DPP10: variants seen among roughly 807,000 people sequenced by gnomAD.
DPP10 encodes the protein dipeptidyl peptidase like 10.
In DPP10, 33 loss-of-function variants were observed where a neutral mutation model predicts 120.9. The observed-to-expected ratio is 0.27, with a 90% CI of 0.21 to 0.37. The LOEUF (loss-of-function observed/expected upper bound fraction) is 0.37, where lower values mean the gene tolerates loss of function less well. DPP10 is among the 10% of genes least tolerant of loss of function. The pLI is 1.00. For missense variants in DPP10, 816 were observed against 942.8 expected (o/e 0.87, Z 1.76); for synonymous variants, 337 against 326.1 (o/e 1.03, Z -0.36).
chr2:115,540,663 C>T (rs560463020), intron 5 of DPP10, among the ~76,000 whole-genome samples: 2 of 151,962 alleles, frequency 1.3e-5, no homozygotes, highest in Non-Finnish European at 1.5e-5. Flanking sequence ...TAATTTTGCA[C>T]TTAAACTTGT....
chr2:115,374,919 C>A (rs1170797474), intron 3 of DPP10, among the ~76,000 whole-genome samples: 1 of 152,222 alleles, frequency 6.6e-6, no homozygotes, highest in African/African-American at 2.4e-5. Flanking sequence ...ACCTGCTAGG[C>A]CTCTGGGCCT....
intron 1 of DPP10, among the ~76,000 whole-genome samples, chr2:114,548,204 A>G (rs1243376142): frequency 1.3e-5 from 2 of 152,226 alleles, no homozygotes; most frequent in Non-Finnish European, 2.9e-5. Context: ...AAGATGATTC[A>G]TCTCTATGGA....
rs564519488 is a variant in DPP10, at chr2:114,935,282, C to A, written c.61-373957C>A. Among the ~76,000 whole-genome samples, 74 of 4,178 alleles carry A rather than the reference C, an allele frequency of 0.018. No homozygotes were observed. In the Non-Finnish European group the frequency reaches 0.4, roughly 23 times the overall value. 2.7% of individuals were successfully genotyped at this position (4,178 alleles called of 152,430 possible). A position where few individuals can be genotyped will look rare whatever the true frequency, so the allele number is the denominator to read the frequency against. On this transcript the variant is annotated intron_variant, in intron 1 of 25. Transcript: ENST00000410059. ...CAAACCTCCTCTCAATGCCTGTAAG[C>A]CCCATTCACCTTATCCATTCTATAA...
intron 2 of DPP10, among the ~76,000 whole-genome samples, chr2:115,326,170 T>G (rs2062353770): frequency 6.6e-6 from 1 of 152,122 alleles, no homozygotes; most frequent in African/African-American, 2.4e-5. Flanking sequence ...CAGTGGAGTT[T>G]ATTATACAGC....
At chr2:115,010,098 T>G (rs1390423174) in intron 1 of DPP10, among the ~76,000 whole-genome samples, 3 of 152,226 alleles carry the variant, frequency 2.0e-5, no homozygotes, top group East Asian at 1.9e-4. Flanking sequence ...TTAATAAACC[T>G]TACTTAAATA....
chr2:115,677,026 A>G (rs902043663), intron 5 of DPP10, among the ~76,000 whole-genome samples: 2 of 152,202 alleles, frequency 1.3e-5, no homozygotes, highest in Non-Finnish European at 2.9e-5. Flanking sequence ...ATATGATAAT[A>G]TAGTCAAAAT....
rs543860004 is a variant in DPP10 at position 115,310,310 on chromosome 2, A to C, written c.175+957A>C. ...TGAGCCCCTTAAACACATTGAACTTATTTCCTGATGTACAAAATATGATTA... is the reference window on the plus strand; with the variant it reads ...TGAGCCCCTTAAACACATTGAACTTCTTTCCTGATGTACAAAATATGATTA... On this transcript the variant is annotated intron_variant, in intron 2 of 25. Transcript: ENST00000410059. Among the ~76,000 whole-genome samples, 15 of 152,264 alleles carry C rather than the reference A, an allele frequency of 9.9e-5. No homozygotes were observed. The South Asian group carries it at 3.1e-3, about 32-fold the overall frequency.
chr2:115,038,519 C>T (rs1199834377), intron 1 of DPP10, among the ~76,000 whole-genome samples: 2 of 152,038 alleles, frequency 1.3e-5, no homozygotes, highest in Non-Finnish European at 1.5e-5. Flanking sequence ...CCTCGTGATC[C>T]GCCCACCTCT....
chr2:114,715,403 T>C (rs1167554903), intron 1 of DPP10, among the ~76,000 whole-genome samples: 1 of 152,028 alleles, frequency 6.6e-6, no homozygotes, highest in Non-Finnish European at 1.5e-5. Flanking sequence ...TCCTCCATGG[T>C]TGAAAATGAA....
At position 115,262,462 on chromosome 2, in the gene DPP10, G is replaced by C. The variant is rs1357904420; in HGVS notation, c.61-46777G>C. On this transcript the variant is annotated intron_variant, in intron 1 of 25. Transcript: ENST00000410059. ...TTTTTCAGAAACCTAAAATGTCAGT[G>C]AATACAGGTAAATATTTATTCATTT... Among the ~76,000 whole-genome samples, 6 of 151,786 alleles carry C rather than the reference G, an allele frequency of 4.0e-5. No homozygotes were observed. In the East Asian group the frequency reaches 1.2e-3, roughly 29 times the overall value.
intron 1 of DPP10, among the ~76,000 whole-genome samples, chr2:114,999,945 C>A: frequency 6.6e-6 from 1 of 152,130 alleles, no homozygotes; most frequent in East Asian, 1.9e-4. Context: ...ATTCATTCCA[C>A]TTTTCCCTGA....
At chr2:115,596,090 CAAG>C (rs971656234) in intron 5 of DPP10, among the ~76,000 whole-genome samples, 6 of 151,944 alleles carry the variant, frequency 3.9e-5, no homozygotes, top group Non-Finnish European at 8.8e-5. Context: ...ATAGCTAGGC[CAAG>C]AAGAACTCAT....
chr2:114,570,501 G>A (rs1487950172), intron 1 of DPP10, among the ~76,000 whole-genome samples: 1 of 152,098 alleles, frequency 6.6e-6, no homozygotes, highest in African/African-American at 2.4e-5. Flanking sequence ...TAGGCAGAAT[G>A]ATGGGGGAAC....
intron 1 of DPP10, among the ~76,000 whole-genome samples, chr2:114,578,560 C>T (rs1245812505): frequency 6.6e-6 from 1 of 152,040 alleles, no homozygotes; most frequent in Non-Finnish European, 1.5e-5. Flanking sequence ...AAATGGAGTC[C>T]TGGCACTGGG....
intron 5 of DPP10, among the ~76,000 whole-genome samples, chr2:115,618,700 C>A (rs190232315): frequency 4.8e-4 from 73 of 152,208 alleles, no homozygotes; most frequent in African/African-American, 1.7e-3. Flanking sequence ...TTTCCATGTA[C>A]AACTGTGCAC....
intron 1 of DPP10, among the ~76,000 whole-genome samples, chr2:114,836,438 C>T (rs907576528): frequency 6.6e-6 from 1 of 152,066 alleles, no homozygotes; most frequent in Non-Finnish European, 1.5e-5. Context: ...TTCTGTGATG[C>T]CCCACAAGCC....
intron 1 of DPP10, among the ~76,000 whole-genome samples, chr2:115,019,586 C>T (rs575747164): frequency 6.6e-6 from 1 of 152,272 alleles, no homozygotes; most frequent in African/African-American, 2.4e-5. Context: ...GTTTGGAAAA[C>T]ATCTTTGAGG....
intron 1 of DPP10, among the ~76,000 whole-genome samples, chr2:114,892,795 A>T (rs1301624564): frequency 6.6e-6 from 1 of 152,140 alleles, no homozygotes; most frequent in Non-Finnish European, 1.5e-5. Context: ...CCATCACCGT[A>T]TCTTTTTTAT....
At chr2:114,502,938 G>C (rs1032866808) in intron 1 of DPP10, among the ~76,000 whole-genome samples, 1 of 151,608 alleles carries the variant, frequency 6.6e-6, no homozygotes, top group African/African-American at 2.4e-5. Flanking sequence ...CAAGGCCCTT[G>C]CCACAGCTTG....
Sources: allele counts gnomAD v4.1 joint callset (sites outside exome capture counted in the v4.1 genomes callset), GRCh38; gene constraint gnomAD v4.1.1; transcripts MANE v1.5; gene names NCBI Gene and HGNC (gene_info 2026-07-23, HGNC 2026-07-21).